The following CLSTN2 variants were observed in gnomAD, a reference collection of about 807,000 sequenced individuals.
CLSTN2 encodes calsyntenin 2.
A neutral mutation model predicts 101.2 loss-of-function variants in CLSTN2; 48 were observed. The ratio of observed to expected loss-of-function variants is 0.47; its 90% CI spans 0.38 to 0.60. CLSTN2 has a LOEUF of 0.60. CLSTN2 is among the 20% of genes least tolerant of loss of function. CLSTN2 has a pLI of 0.00. For missense variants in CLSTN2, 1,160 were observed against 1,238.2 expected, an observed-to-expected ratio of 0.94 and a Z score of 0.95; for synonymous variants, 481 against 463.6, an observed-to-expected ratio of 1.04 and a Z score of -0.48.
intron 9 of CLSTN2, among the ~76,000 whole-genome samples, chr3:140,541,313 C>T (rs927009326): frequency 1.3e-5 from 2 of 152,248 alleles, no homozygotes; most frequent in African/African-American, 4.8e-5. Flanking sequence ...AATTGTCTTT[C>T]TCACATCCAG....
chr3:140,361,468 G>A (rs957705310), intron 2 of CLSTN2, among the ~76,000 whole-genome samples: 19 of 152,170 alleles, frequency 1.2e-4, no homozygotes, highest in African/African-American at 4.6e-4. Flanking sequence ...CACTAAACTA[G>A]TGATCCTAGA....
intron 2 of CLSTN2, among the ~76,000 whole-genome samples, chr3:140,311,054 G>A (rs909775437): frequency 6.6e-6 from 1 of 152,112 alleles, no homozygotes; most frequent in African/African-American, 2.4e-5. Context: ...AGGAAAGCCA[G>A]TGCCACAACA....
At chr3:139,936,180 C>T (rs2107804555) in intron 1 of CLSTN2, among the ~76,000 whole-genome samples, 1 of 152,292 alleles carries the variant, frequency 6.6e-6, no homozygotes, top group East Asian at 1.9e-4. Flanking sequence ...GCCTCCCGCC[C>T]GGAAGGAAGC....
intron 2 of CLSTN2, among the ~76,000 whole-genome samples, chr3:140,322,562 T>G (rs1431968070): frequency 6.6e-6 from 1 of 152,222 alleles, no homozygotes; most frequent in African/African-American, 2.4e-5. Context: ...CAGATGTCAA[T>G]GTACTGAGTC....
intron 1 of CLSTN2, among the ~76,000 whole-genome samples, chr3:140,098,915 G>T (rs1429093058): frequency 6.6e-6 from 1 of 152,188 alleles, no homozygotes; most frequent in East Asian, 1.9e-4. Flanking sequence ...GTCCAGGCCA[G>T]ATCACAAATC....
In CLSTN2 at chr3:140,567,744, T is replaced by G. The variant is rs756147344; in HGVS notation, c.*1491T>G. 1.3e-5 allele frequency: 2 copies of G among 152,220 alleles called. No homozygotes were observed. The highest frequency in any genetic ancestry group is 2.9e-5 in the Non-Finnish European group (2 of 68,054). The allele number at this position is 152,220 out of a possible 1,614,324, so 9.4% of individuals were successfully genotyped here. On this transcript the variant is annotated 3_prime_UTR_variant, in exon 17 of 17. Transcript: ENST00000458420. ...CTCCTCAAGCTCACACCAATTGGTT[T>G]GGCACAGGCACAGAGCTGGTCCCTA... is the stretch of plus-strand genomic sequence containing the variant.
intron 5 of CLSTN2, among the ~76,000 whole-genome samples, chr3:140,445,759 G>A (rs752614812): frequency 2.0e-5 from 3 of 152,062 alleles, no homozygotes; most frequent in East Asian, 1.9e-4. Flanking sequence ...AGATGTCTGC[G>A]GCTGCCCAGA....
At chr3:140,535,281 C>G (rs2107781043) in intron 9 of CLSTN2, among the ~76,000 whole-genome samples, 1 of 152,354 alleles carries the variant, frequency 6.6e-6, no homozygotes, top group South Asian at 2.1e-4. Context: ...GGGCCCCTCC[C>G]TTAGGGTGGG....
intron 1 of CLSTN2, among the ~76,000 whole-genome samples, chr3:140,152,125 A>G (rs974404508): frequency 1.3e-4 from 20 of 152,316 alleles, no homozygotes; most frequent in African/African-American, 4.1e-4. Flanking sequence ...TAATTAATGT[A>G]TTATTACTAA....
At chr3:140,416,216 G>A in intron 4 of CLSTN2, among the ~76,000 whole-genome samples, 1 of 152,102 alleles carries the variant, frequency 6.6e-6, no homozygotes, top group East Asian at 1.9e-4. Context: ...GGGAGTGGAG[G>A]AAAAGAGAAG....
intron 10 of CLSTN2, among the ~76,000 whole-genome samples, chr3:140,551,792 T>C (rs1346055746): frequency 6.7e-6 from 1 of 148,982 alleles, no homozygotes; most frequent in African/African-American, 2.4e-5. Context: ...ATTATACATC[T>C]AAATTATATA....
intron 2 of CLSTN2, among the ~76,000 whole-genome samples, chr3:140,372,185 G>A (rs1452648235): frequency 6.6e-6 from 1 of 152,118 alleles, no homozygotes; most frequent in African/African-American, 2.4e-5. Context: ...CGTAGTATCC[G>A]GGATGAAATT....
intron 1 of CLSTN2, among the ~76,000 whole-genome samples, chr3:139,947,860 C>CT (rs1270582860): frequency 6.7e-6 from 1 of 149,800 alleles, no homozygotes; most frequent in African/African-American, 2.5e-5. Context: ...TTTTTTTTTC[C>CT]TTTTTTAACA....
intron 8 of CLSTN2, among the ~76,000 whole-genome samples, chr3:140,529,016 A>T (rs926932877): frequency 2.0e-5 from 3 of 152,250 alleles, no homozygotes; most frequent in Admixed American, 2.0e-4. Context: ...TGCATTCAAA[A>T]ACACCTGATT....
chr3:140,336,581 G>A (rs1261151648), intron 2 of CLSTN2, among the ~76,000 whole-genome samples: 1 of 152,178 alleles, frequency 6.6e-6, no homozygotes, highest in Non-Finnish European at 1.5e-5. Flanking sequence ...GGCTCCGTCT[G>A]TCATAGAGAC....
chr3:140,480,808 G>A (rs183575253), intron 8 of CLSTN2, among the ~76,000 whole-genome samples: 48 of 152,120 alleles, frequency 3.2e-4, no homozygotes, highest in African/African-American at 5.1e-4. Flanking sequence ...TTTTTTTCTC[G>A]TAAATTTGTT....
chr3:139,962,958 G>T (rs1018036183), intron 1 of CLSTN2, among the ~76,000 whole-genome samples: 1 of 152,100 alleles, frequency 6.6e-6, no homozygotes. Context: ...TAACTAACTA[G>T]CATATTTTGT....
intron 1 of CLSTN2, among the ~76,000 whole-genome samples, chr3:140,121,490 G>T (rs1396961064): frequency 6.6e-6 from 1 of 152,086 alleles, no homozygotes; most frequent in African/African-American, 2.4e-5. Context: ...CACATAGTAG[G>T]GACTCAACAT....
intron 2 of CLSTN2, among the ~76,000 whole-genome samples, chr3:140,383,305 T>C (rs1267099621): frequency 6.6e-6 from 1 of 152,220 alleles, no homozygotes; most frequent in Non-Finnish European, 1.5e-5. Flanking sequence ...TTTCTTTACC[T>C]TCTTTGAACT....
Sources: gnomAD v4.1 joint callset for allele counts (sites outside exome capture counted in the v4.1 genomes callset) on GRCh38, gnomAD v4.1.1 for gene constraint, MANE v1.5 for transcripts, NCBI Gene and HGNC (gene_info 2026-07-23, HGNC 2026-07-21) for gene names.